Variants in CCDC171 observed in about 807,000 individuals in gnomAD.
CCDC171 encodes coiled-coil domain containing 171.
CCDC171 carries 177 observed loss-of-function variants against 168.2 expected under a neutral mutation model. The ratio of observed to expected loss-of-function variants is 1.05; its 90% CI spans 0.93 to 1.19. The LOEUF (loss-of-function observed/expected upper bound fraction) is 1.19. Among genes scored for constraint, CCDC171 ranks in the 50% most tolerant of loss-of-function variants. CCDC171 has a pLI of 0.00. For synonymous variants in CCDC171, 687 were observed against 540.8 expected, an observed-to-expected ratio of 1.27 and a Z score of -3.75; for missense variants, 1,991 against 1,539.0, an observed-to-expected ratio of 1.29 and a Z score of -4.91.
Position 15,634,039 on chromosome 9 carries a change from G to C in CCDC171, c.822+10626G>C, listed in dbSNP as rs186658216. 9.6e-3 allele frequency among the ~76,000 whole-genome samples: 1,465 copies of C among 152,134 alleles called. 27 individuals carry two copies. Among genetic ancestry groups the C allele is most frequent in the African/African-American group, 0.034 (1,399 of 41,488 alleles). On this transcript the variant is annotated intron_variant, in intron 7 of 25. Coordinates refer to ENST00000380701, the MANE Select transcript of CCDC171 (RefSeq NM_173550.4). ...GGGGACTGTTGTGGGGTGGGGAGAG[G>C]GGGGCGGGATAGCTTTAGGAGATAC... is the stretch of plus-strand genomic sequence containing the variant.
At chr9:16,095,869 C>CATATATATATATATATATATAT in the CCDC171 span, among the ~76,000 whole-genome samples, 119 of 123,798 alleles carry the variant, frequency 9.6e-4, no homozygotes, top group Non-Finnish European at 1.7e-3. Flanking sequence ...CACATAGGCA[C>CATATATATATATATATATATAT]ATATATATAT....
chr9:15,772,951 A>T (rs1205676155), intron 18 of CCDC171, among the ~76,000 whole-genome samples: 2 of 151,616 alleles, frequency 1.3e-5, no homozygotes, highest in East Asian at 3.9e-4. Context: ...GTGGAATTAA[A>T]TTTAGTTAAC....
At chr9:15,826,631 T>C (rs2060023994) in intron 21 of CCDC171, among the ~76,000 whole-genome samples, 1 of 152,208 alleles carries the variant, frequency 6.6e-6, no homozygotes, top group African/African-American at 2.4e-5. Context: ...TATGCTCAGC[T>C]AACAGCTCAG....
rs2053505113 is a variant in CCDC171 at position 15,721,874 on chromosome 9, A to G, written c.1424A>G (p.Glu475Gly). The change falls in exon 12 of 26, where the codon GAG becomes GGG. Residue 475 changes from glutamate to glycine, a missense_variant and splice_region_variant. Glu to Gly is a moderately conservative substitution (Grantham distance 98). Transcript: ENST00000380701. ...AACAAGCTGGAAGATGCATCTAATG[A>G]GGTAACACTTGCACTGTTTGGCTCC... is the stretch of plus-strand genomic sequence containing the variant. ...YQNKLEDASN[E>G]EKACNELDST... The G allele has an allele frequency of 1.3e-6, 2 of 1,522,122 alleles. No individual in the cohort carries two copies. The highest frequency in any genetic ancestry group is 2.5e-5 in the East Asian group (1 of 39,678). The allele number at this position is 1,522,122 out of a possible 1,614,324, so 94.3% of individuals were successfully genotyped here. A position where few individuals can be genotyped will look rare whatever the true frequency, so the allele number is the denominator to read the frequency against.
chr9:15,749,167 C>G (rs1355596170), intron 18 of CCDC171, among the ~76,000 whole-genome samples: 12 of 150,712 alleles, frequency 8.0e-5, no homozygotes, highest in African/African-American at 2.7e-4. Context: ...GCAGGTGTTG[C>G]TATTCTAGTC....
At chr9:15,958,817 A>G (rs1311082231) in intron 25 of CCDC171, among the ~76,000 whole-genome samples, 1 of 152,138 alleles carries the variant, frequency 6.6e-6, no homozygotes. Flanking sequence ...CAGTCAAGTT[A>G]TCCAAGGGGT....
chr9:15,573,461 TA>T (rs2040394069), intron 3 of CCDC171, among the ~76,000 whole-genome samples: 1 of 151,990 alleles, frequency 6.6e-6, no homozygotes, highest in South Asian at 2.1e-4. Context: ...TTTGTATTTT[TA>T]GTAGAGATGG....
intron 18 of CCDC171, among the ~76,000 whole-genome samples, chr9:15,774,283 C>G (rs1043595580): frequency 1.0e-5 from 1 of 97,838 alleles, no homozygotes; most frequent in Non-Finnish European, 2.0e-5. Flanking sequence ...AAAAAGTCAT[C>G]AGAAAGTAGG....
rs2132993739 is a variant in CCDC171, at chr9:16,013,180, G to C, written n.369-7409G>C. The stretch of plus-strand genomic sequence containing the variant: ...CAAAACCACAGAATAATATCTGAGT[G>C]GATCTTACTCTCCTTGTTTAGTCTG... On this transcript the variant is annotated intron_variant and non_coding_transcript_variant, in intron 3 of 9. Transcript: ENST00000486641. Among the ~76,000 whole-genome samples, 3 of 152,250 alleles carry C rather than the reference G, an allele frequency of 2.0e-5. No homozygotes were observed. The South Asian group carries it at 6.2e-4, about 32-fold the overall frequency.
intron 23 of CCDC171, 143 bp from the exon 24 acceptor site, chr9:15,874,389 A>C: frequency 1.7e-6 from 1 of 601,586 alleles, no homozygotes; most frequent in Non-Finnish European, 2.7e-6. Context: ...TTGCAACGAA[A>C]AATCAATTAG....
chr9:15,896,210 G>A (rs1452299229), intron 24 of CCDC171, among the ~76,000 whole-genome samples: 2 of 151,892 alleles, frequency 1.3e-5, no homozygotes, highest in East Asian at 3.9e-4. Context: ...TAACATATTT[G>A]AAAAAGTATT....
intron 6 of CCDC171, among the ~76,000 whole-genome samples, chr9:15,609,486 A>G (rs1466437587): frequency 6.6e-6 from 1 of 152,160 alleles, no homozygotes; most frequent in Non-Finnish European, 1.5e-5. Flanking sequence ...AGATAACCCA[A>G]AGTCATAAAG....
chr9:16,105,205 A>AT, the CCDC171 span, among the ~76,000 whole-genome samples: 703 of 152,328 alleles, frequency 4.6e-3, 9 homozygotes, highest in African/African-American at 0.015. Flanking sequence ...AATAATGGAT[A>AT]TTAATCTTTC....
chr9:15,793,687 C>G (rs1211132803), intron 21 of CCDC171, among the ~76,000 whole-genome samples: 1 of 148,620 alleles, frequency 6.7e-6, no homozygotes, highest in Non-Finnish European at 1.5e-5. Flanking sequence ...GTAGCTTGGA[C>G]TACAGGCACA....
intron 8 of CCDC171, among the ~76,000 whole-genome samples, chr9:15,660,530 T>C (rs766732252): frequency 1.3e-5 from 2 of 152,224 alleles, no homozygotes; most frequent in Non-Finnish European, 2.9e-5. Flanking sequence ...TGTCCACAAG[T>C]ATCCAGTATT....
intron 21 of CCDC171, among the ~76,000 whole-genome samples, chr9:15,843,277 G>T (rs1412904391): frequency 6.6e-6 from 1 of 151,992 alleles, no homozygotes; most frequent in Non-Finnish European, 1.5e-5. Context: ...AAACATTTTG[G>T]ATTTAAAAGG....
At chr9:15,557,211 CT>C (rs1726027998) in intron 1 of CCDC171, among the ~76,000 whole-genome samples, 1 of 152,006 alleles carries the variant, frequency 6.6e-6, no homozygotes, top group South Asian at 2.1e-4. Context: ...TTAGGATTGT[CT>C]TGGCAATGTG....
chr9:15,701,080 G>T (rs1283974509), intron 11 of CCDC171, among the ~76,000 whole-genome samples: 14 of 152,052 alleles, frequency 9.2e-5, no homozygotes, highest in Admixed American at 9.2e-4. Flanking sequence ...TTTTTACTGG[G>T]ATCGTTTGGG....
intron 21 of CCDC171, chr9:15,845,810 T>C (rs982820823): frequency 2.0e-5 from 3 of 152,072 alleles, no homozygotes; most frequent in Admixed American, 6.6e-5. Flanking sequence ...TTTTTAGTGC[T>C]AAGCGATCCT....
Sources: gnomAD v4.1 joint callset for allele counts (sites outside exome capture counted in the v4.1 genomes callset) on GRCh38, gnomAD v4.1.1 for gene constraint, MANE v1.5 for transcripts, NCBI Gene and HGNC (gene_info 2026-07-23, HGNC 2026-07-21) for gene names.